Variants in THSD4 observed in about 807,000 individuals in gnomAD.
The protein encoded by THSD4 is thrombospondin type-1 domain-containing protein 4.
A neutral mutation model predicts 119.0 loss-of-function variants in THSD4; 69 were observed. The observed-to-expected ratio is 0.58, with a 90% CI of 0.48 to 0.71. The LOEUF (loss-of-function observed/expected upper bound fraction) is 0.71. Ranked by LOEUF, THSD4 falls within the 30% of genes least tolerant of loss-of-function variation. The probability of loss-of-function intolerance (pLI) is 0.00; values close to 1 mark genes in which losing one functional copy is unlikely to be tolerated. For missense variants in THSD4, 1,393 were observed against 1,391.1 expected, an observed-to-expected ratio of 1.00 and a Z score of -0.02; for synonymous variants, 524 against 540.4, an observed-to-expected ratio of 0.97 and a Z score of 0.42.
chr15:71,351,851 A>C (rs759428420), intron 6 of THSD4, among the ~76,000 whole-genome samples: 3 of 152,224 alleles, frequency 2.0e-5, no homozygotes, highest in African/African-American at 7.2e-5. Context: ...TCCAGGGGCC[A>C]TATAGATTCA....
In THSD4 at chr15:71,759,775, T is replaced by C. The variant is rs1241382202; in HGVS notation, c.2589+1700T>C. Among the ~76,000 whole-genome samples the C allele has an allele frequency of 4.6e-5, 7 of 152,140 alleles. No individual in the cohort carries two copies. In the East Asian group the frequency reaches 7.7e-4, roughly 17 times the overall value. On this transcript the variant is annotated intron_variant, in intron 15 of 17. Coordinates refer to ENST00000261862, the MANE Select transcript of THSD4 (RefSeq NM_024817.3). ...GAGCAGGATTCAGGGCCTTTTTTGC[T>C]TGTGGCTTCCTATTGACTTTAGACC...
At chr15:71,515,501 T>C (rs909577225) in intron 7 of THSD4, among the ~76,000 whole-genome samples, 2 of 152,166 alleles carry the variant, frequency 1.3e-5, no homozygotes, top group African/African-American at 4.8e-5. Context: ...GTTGCTGACG[T>C]ACCCTGCCTG....
chr15:71,396,067 G>A lies in THSD4; in HGVS notation c.1016-15620G>A, dbSNP rs142196083. 8.2e-4 allele frequency among the ~76,000 whole-genome samples: 124 copies of A among 152,036 alleles called. 1 individual carries two copies. Among genetic ancestry groups the A allele is most frequent in the African/African-American group, 2.9e-3 (119 of 41,472 alleles). On this transcript the variant is annotated intron_variant, in intron 6 of 17. Coordinates refer to ENST00000261862, the MANE Select transcript of THSD4 (RefSeq NM_024817.3). The stretch of plus-strand genomic sequence containing the variant: ...CCTGATGAACCCGTGTGCTTTTATC[G>A]CTGTTGAGTGCTTTGGCCGTGTACC...
chr15:71,207,542 CA>C (rs2043854272), intron 3 of THSD4, among the ~76,000 whole-genome samples: 1 of 152,142 alleles, frequency 6.6e-6, no homozygotes, highest in Non-Finnish European at 1.5e-5. Flanking sequence ...TCATTTAGAT[CA>C]GGGATCTTCA....
intron 6 of THSD4, among the ~76,000 whole-genome samples, chr15:71,379,600 A>C (rs2046201170): frequency 6.6e-6 from 1 of 151,394 alleles, no homozygotes; most frequent in Admixed American, 6.6e-5. Context: ...CTGGGACTAC[A>C]GGTGCCCACC....
At chr15:71,619,567 T>C (rs1027244835) in intron 7 of THSD4, among the ~76,000 whole-genome samples, 8 of 152,220 alleles carry the variant, frequency 5.3e-5, no homozygotes, top group African/African-American at 1.9e-4. Context: ...CCTGGTCCCA[T>C]TCTACTTGCC....
intron 7 of THSD4, among the ~76,000 whole-genome samples, chr15:71,631,469 G>T (rs990627776): frequency 1.2e-4 from 18 of 152,176 alleles, no homozygotes; most frequent in African/African-American, 1.7e-4. Flanking sequence ...GTCTTTAGTG[G>T]TTAGTAGAAC....
intron 7 of THSD4, among the ~76,000 whole-genome samples, chr15:71,525,384 A>G (rs956457543): frequency 6.6e-6 from 1 of 152,184 alleles, no homozygotes; most frequent in Non-Finnish European, 1.5e-5. Flanking sequence ...AATTATAGAC[A>G]TGTTGGATTT....
At chr15:71,358,693 G>A (rs1472698243) in intron 6 of THSD4, among the ~76,000 whole-genome samples, 3 of 152,200 alleles carry the variant, frequency 2.0e-5, no homozygotes, top group Non-Finnish European at 4.4e-5. Flanking sequence ...CACGTAAAGT[G>A]CCTAGAATAG....
At chr15:71,704,500 T>C (rs1432802597) in intron 8 of THSD4, among the ~76,000 whole-genome samples, 3 of 152,198 alleles carry the variant, frequency 2.0e-5, no homozygotes, top group African/African-American at 7.2e-5. Context: ...TGCTCCTCCT[T>C]CACCTTCCAC....
chr15:71,139,928 C>CT (rs2040587081), intron 1 of THSD4, among the ~76,000 whole-genome samples: 2 of 152,254 alleles, frequency 1.3e-5, no homozygotes, highest in Middle Eastern at 6.3e-3. Context: ...GTTTTATTCT[C>CT]TAAGTTTTAC....
chr15:71,582,139 C>G (rs1405384384), intron 7 of THSD4, among the ~76,000 whole-genome samples: 25 of 152,016 alleles, frequency 1.6e-4, no homozygotes, highest in Admixed American at 1.6e-3. Flanking sequence ...GAATGTAGAT[C>G]TTTCTATTTA....
At chr15:71,385,969 G>A (rs1214943105) in intron 6 of THSD4, among the ~76,000 whole-genome samples, 4 of 152,144 alleles carry the variant, frequency 2.6e-5, no homozygotes, top group East Asian at 1.9e-4. Flanking sequence ...GCAGAATGGA[G>A]GCAGAACTCT....
At chr15:71,534,239 A>G (rs2048657853) in intron 7 of THSD4, among the ~76,000 whole-genome samples, 1 of 152,230 alleles carries the variant, frequency 6.6e-6, no homozygotes, top group Admixed American at 6.5e-5. Context: ...CATGAGCCAC[A>G]GTGCCTGGCC....
Position 71,132,549 on chromosome 15 carries a change from A to G in THSD4, c.-79-8900A>G, listed in dbSNP as rs140138863. ...GTTTAATGGTGTTGGGTTATTAGGTAATACAATTACAATTACAATGAGTAA... is the reference window on the plus strand; with the variant it reads ...GTTTAATGGTGTTGGGTTATTAGGTGATACAATTACAATTACAATGAGTAA... On this transcript the variant is annotated intron_variant, in intron 1 of 17. Coordinates refer to ENST00000261862, the MANE Select transcript of THSD4 (RefSeq NM_024817.3). Among the ~76,000 whole-genome samples, 389 of 152,364 alleles carry G rather than the reference A, an allele frequency of 2.6e-3. 4 individuals carry two copies. Among genetic ancestry groups the G allele is most frequent in the African/African-American group, 9.0e-3 (374 of 41,588 alleles).
intron 7 of THSD4, among the ~76,000 whole-genome samples, chr15:71,445,965 G>T (rs2047175564): frequency 6.6e-6 from 1 of 152,162 alleles, no homozygotes; most frequent in South Asian, 2.1e-4. Flanking sequence ...TTGCAAGATC[G>T]CTCTGCCTAA....
chr15:71,449,175 C>T (rs1355573980), intron 7 of THSD4, among the ~76,000 whole-genome samples: 4 of 152,196 alleles, frequency 2.6e-5, no homozygotes, highest in Non-Finnish European at 5.9e-5. Flanking sequence ...TCAGTTGCCA[C>T]ATCAGGACTT....
intron 6 of THSD4, among the ~76,000 whole-genome samples, chr15:71,375,272 A>G (rs2046117665): frequency 6.6e-6 from 1 of 152,196 alleles, no homozygotes; most frequent in Non-Finnish European, 1.5e-5. Context: ...CGAAAGGGAA[A>G]TAGCCCAAGA....
chr15:71,677,011 T>C (rs1203042362), intron 8 of THSD4, among the ~76,000 whole-genome samples: 2 of 152,236 alleles, frequency 1.3e-5, no homozygotes, highest in East Asian at 1.9e-4. Context: ...TATTTAACTT[T>C]TTGAGAAACT....
Sources: allele counts gnomAD v4.1 joint callset (sites outside exome capture counted in the v4.1 genomes callset), GRCh38; gene constraint gnomAD v4.1.1; transcripts MANE v1.5; gene names NCBI Gene and HGNC (gene_info 2026-07-23, HGNC 2026-07-21).